Variants in RIMS4 observed in about 807,000 individuals in gnomAD.
The protein encoded by RIMS4 is regulating synaptic membrane exocytosis 4.
Under a neutral mutation model 29.0 loss-of-function variants are expected in RIMS4, and 9 were observed. The ratio of observed to expected loss-of-function variants is 0.31; its 90% CI spans 0.19 to 0.54. The LOEUF is 0.54. Among genes scored for constraint, RIMS4 ranks in the 20% least tolerant of loss-of-function variants. The pLI, the probability that RIMS4 is intolerant of heterozygous loss-of-function variation, is 0.94. For synonymous variants in RIMS4, 130 were observed against 152.9 expected (o/e 0.85, Z 1.10); for missense variants, 193 against 365.7 (o/e 0.53, Z 3.85).
intron 2 of RIMS4, among the ~76,000 whole-genome samples, chr20:44,766,488 G>A (rs895189927): frequency 6.6e-6 from 1 of 152,192 alleles, no homozygotes; most frequent in African/African-American, 2.4e-5. Context: ...GGAAAAGTCA[G>A]AAGAATAAGT....
chr20:44,765,549 C>T (rs1271220679), intron 2 of RIMS4, among the ~76,000 whole-genome samples: 1 of 152,218 alleles, frequency 6.6e-6, no homozygotes, highest in African/African-American at 2.4e-5. Context: ...CTCCTAGCCA[C>T]AGATGCATCC....
intron 1 of RIMS4, among the ~76,000 whole-genome samples, chr20:44,808,175 G>A (rs141489203): frequency 2.1e-3 from 314 of 151,720 alleles, no homozygotes; most frequent in African/African-American, 7.2e-3. Context: ...CCATCCATTT[G>A]CGGGCAAAAA....
rs1026921096 is a variant in RIMS4, at chr20:44,756,729, A to G, written c.591+169T>C. Reference sequence around the variant, plus strand: ...GAAGGGAACTTGTTCAAAGTTGTGCAGTAAGTTGTGGAGCTCAGTTCAGCC... The same window carrying G: ...GAAGGGAACTTGTTCAAAGTTGTGCGGTAAGTTGTGGAGCTCAGTTCAGCC... On this transcript the variant is annotated intron_variant, in intron 5 of 5. Coordinates refer to ENST00000372851, the MANE Select transcript of RIMS4 (RefSeq NM_182970.4). This position sits in a 1 kb window ranked among gnomAD's most constrained non-coding sequence, Gnocchi z 5.9. 5.9e-5 allele frequency among the ~76,000 whole-genome samples: 9 copies of G among 152,072 alleles called. No individual in the cohort carries two copies. The highest frequency in any genetic ancestry group is 2.2e-4 in the African/African-American group (9 of 41,418).
intron 1 of RIMS4, among the ~76,000 whole-genome samples, chr20:44,781,158 C>T (rs1601032265): frequency 6.6e-6 from 1 of 152,208 alleles, no homozygotes; most frequent in Non-Finnish European, 1.5e-5. Flanking sequence ...AATTATTATT[C>T]ATTCAACACA....
chr20:44,775,141 C>T (rs545975302), intron 1 of RIMS4, among the ~76,000 whole-genome samples: 26 of 152,168 alleles, frequency 1.7e-4, no homozygotes, highest in Non-Finnish European at 2.9e-4. Flanking sequence ...ATGTTAAACA[C>T]GCTTCTAAGT....
intron 1 of RIMS4, among the ~76,000 whole-genome samples, chr20:44,807,346 T>C (rs757710113): frequency 6.6e-6 from 1 of 152,120 alleles, no homozygotes; most frequent in African/African-American, 2.4e-5. Context: ...CTGCCCCAGT[T>C]AAGGCTAATG....
intron 1 of RIMS4, among the ~76,000 whole-genome samples, chr20:44,774,827 T>A (rs1251220112): frequency 6.6e-6 from 1 of 151,968 alleles, no homozygotes; most frequent in Non-Finnish European, 1.5e-5. Context: ...TCCTCCCCCA[T>A]TTGTCCTCTC....
intron 1 of RIMS4, among the ~76,000 whole-genome samples, chr20:44,792,813 C>A (rs2066238773): frequency 6.6e-6 from 1 of 152,144 alleles, no homozygotes; most frequent in Admixed American, 6.6e-5. Flanking sequence ...GACTTGGTGG[C>A]TATCTCCAGA....
At position 44,754,854 on chromosome 20, in the gene RIMS4, C is replaced by T. The variant is rs1195717946; in HGVS notation, c.*1280G>A. On this transcript the variant is annotated 3_prime_UTR_variant, in exon 6 of 6. Coordinates refer to ENST00000372851, the MANE Select transcript of RIMS4 (RefSeq NM_182970.4). ...CAGGGACTAGGTAAAGAGTGGCAGGCTTCTGGGTGCCTCCCAGGGGAGGTG... is the reference window on the plus strand; with the variant it reads ...CAGGGACTAGGTAAAGAGTGGCAGGTTTCTGGGTGCCTCCCAGGGGAGGTG... 6.6e-6 allele frequency: 1 copy of T among 152,608 alleles called. No homozygotes were observed. 9.5% of individuals were successfully genotyped at this position (152,608 alleles called of 1,614,324 possible). A position where few individuals can be genotyped will look rare whatever the true frequency, so the allele number is the denominator to read the frequency against.
chr20:44,803,694 C>T (rs1445328907), intron 1 of RIMS4, among the ~76,000 whole-genome samples: 1 of 152,178 alleles, frequency 6.6e-6, no homozygotes, highest in Non-Finnish European at 1.5e-5. Flanking sequence ...GGGGATGGCG[C>T]TCTGGAGCTG....
At position 44,756,801 on chromosome 20, in the gene RIMS4, A is replaced by C; in HGVS notation, c.591+97T>G. On this transcript the variant is annotated intron_variant, in intron 5 of 5. Transcript: ENST00000372851. The surrounding 1 kb of genome is among the most constrained non-coding windows in gnomAD (Gnocchi z 5.9). ...CTGTTTCCTCCAGGCGAGGCCCTCCAGAGACACCCCCCGCCAGGGGTGCCC... is the reference window on the plus strand; with the variant it reads ...CTGTTTCCTCCAGGCGAGGCCCTCCCGAGACACCCCCCGCCAGGGGTGCCC... 4 of 1,302,356 alleles carry C rather than the reference A, an allele frequency of 3.1e-6. No homozygotes were observed. Among genetic ancestry groups the C allele is most frequent in the Non-Finnish European group, 4.1e-6 (4 of 964,174 alleles). 80.7% of individuals were successfully genotyped at this position (1,302,356 alleles called of 1,614,324 possible).
intron 1 of RIMS4, among the ~76,000 whole-genome samples, chr20:44,800,039 T>C (rs2066271066): frequency 6.6e-6 from 1 of 152,204 alleles, no homozygotes; most frequent in East Asian, 1.9e-4. Context: ...TTAAGTGACT[T>C]GCTCAGAGTC....
intron 1 of RIMS4, among the ~76,000 whole-genome samples, chr20:44,808,097 T>TACAC (rs35008908): frequency 1.5e-4 from 22 of 150,674 alleles, no homozygotes; most frequent in African/African-American, 4.9e-4. Flanking sequence ...TATATATATA[T>TACAC]ACACACACAC....
intron 1 of RIMS4, among the ~76,000 whole-genome samples, chr20:44,783,299 T>G (rs1232317662): frequency 6.6e-6 from 1 of 152,202 alleles, no homozygotes; most frequent in Non-Finnish European, 1.5e-5. Context: ...GGTATATCCA[T>G]GCAATTAAGT....
chr20:44,805,578 A>G (rs988267686), intron 1 of RIMS4, among the ~76,000 whole-genome samples: 1 of 152,138 alleles, frequency 6.6e-6, no homozygotes, highest in Non-Finnish European at 1.5e-5. Context: ...GGTCCTGACC[A>G]TGAAGGATAT....
rs2066058205 is a variant in RIMS4 at position 44,756,038 on chromosome 20, C to G, written c.*96G>C. ...CTGCTTCCCCACTGTGGGGGAGAGC[C>G]CCGTCCTCCTGTTCAATGTGCCCCT... On this transcript the variant is annotated 3_prime_UTR_variant, in exon 6 of 6. Coordinates refer to ENST00000372851, the MANE Select transcript of RIMS4 (RefSeq NM_182970.4). The surrounding 1 kb of genome is among the most constrained non-coding windows in gnomAD (Gnocchi z 5.9). 4.1e-6 allele frequency: 4 copies of G among 981,038 alleles called. No individual in the cohort carries two copies. In the East Asian group the frequency reaches 9.6e-5, roughly 24 times the overall value. 60.8% of individuals were successfully genotyped at this position (981,038 alleles called of 1,614,324 possible). A position where few individuals can be genotyped will look rare whatever the true frequency, so the allele number is the denominator to read the frequency against.
chr20:44,795,992 GGGGAGC>G (rs995602679), intron 1 of RIMS4, among the ~76,000 whole-genome samples: 7 of 152,250 alleles, frequency 4.6e-5, no homozygotes, highest in East Asian at 1.9e-4. Flanking sequence ...TGTGGGGAGA[GGGGAGC>G]GGGAGCGGGA....
At chr20:44,762,040 G>A (rs2066087662) in intron 2 of RIMS4, among the ~76,000 whole-genome samples, 1 of 152,192 alleles carries the variant, frequency 6.6e-6, no homozygotes, top group Non-Finnish European at 1.5e-5. Context: ...GGGGCAGGGA[G>A]TGGGGGATGG....
At chr20:44,792,958 A>G (rs11086941) in intron 1 of RIMS4, among the ~76,000 whole-genome samples, 25,792 of 151,964 alleles carry the variant, frequency 0.17, 4,312 homozygotes, top group African/African-American at 0.44. Context: ...GTTTTCCCTT[A>G]CCCAGCCGTG....
Sources: allele counts gnomAD v4.1 joint callset (sites outside exome capture counted in the v4.1 genomes callset), GRCh38; gene constraint gnomAD v4.1.1; non-coding constraint Gnocchi (gnomAD v3.1); transcripts MANE v1.5; gene names NCBI Gene and HGNC (gene_info 2026-07-23, HGNC 2026-07-21).